CACNB2: variants seen among roughly 807,000 people sequenced by gnomAD.
CACNB2 encodes calcium voltage-gated channel auxiliary subunit beta 2.
CACNB2 carries 42 observed loss-of-function variants against 73.3 expected under a neutral mutation model. The ratio of observed to expected loss-of-function variants is 0.57; its 90% CI spans 0.45 to 0.74. CACNB2 has a LOEUF of 0.74. Among genes scored for constraint, CACNB2 ranks in the 30% least tolerant of loss-of-function variants. The probability of loss-of-function intolerance (pLI) is 0.00; values close to 1 mark genes in which losing one functional copy is unlikely to be tolerated. For synonymous variants in CACNB2, 348 were observed against 310.3 expected, an observed-to-expected ratio of 1.12 and a Z score of -1.28; for missense variants, 940 against 853.0, an observed-to-expected ratio of 1.10 and a Z score of -1.27.
intron 2 of CACNB2, among the ~76,000 whole-genome samples, chr10:18,283,430 C>T (rs563664688): frequency 6.6e-6 from 1 of 152,074 alleles, no homozygotes; most frequent in African/African-American, 2.4e-5. Flanking sequence ...CTTATGTCCA[C>T]CAATGATAGG....
Position 18,294,723 on chromosome 10 carries a change from A to G in CACNB2, c.214-107201A>G, listed in dbSNP as rs550260558. Among the ~76,000 whole-genome samples the G allele has an allele frequency of 8.9e-4, 135 of 152,260 alleles. 1 individual carries two copies. The highest frequency in any genetic ancestry group is 1.2e-3 in the Non-Finnish European group (81 of 68,050). On this transcript the variant is annotated intron_variant, in intron 2 of 13. Coordinates refer to ENST00000324631, the MANE Select transcript of CACNB2 (RefSeq NM_201596.3). Reference sequence around the variant, plus strand: ...AGGAAAAATGCTCAGATGCAAAGGCAGGAGTCTGCCCAGAATGTGAGGAAT... The same window carrying G: ...AGGAAAAATGCTCAGATGCAAAGGCGGGAGTCTGCCCAGAATGTGAGGAAT...
At chr10:18,442,533 A>G (rs918285868) in intron 3 of CACNB2, among the ~76,000 whole-genome samples, 2 of 151,932 alleles carry the variant, frequency 1.3e-5, no homozygotes, top group Non-Finnish European at 2.9e-5. Flanking sequence ...ATGCTTCTCT[A>G]AGAAATAAGT....
At chr10:18,225,631 T>TCC (rs1388951827) in intron 2 of CACNB2, among the ~76,000 whole-genome samples, 16 of 146,008 alleles carry the variant, frequency 1.1e-4, no homozygotes, top group African/African-American at 1.7e-4. Context: ...CTTCCTTCCT[T>TCC]TCTTTCTTTT....
chr10:18,460,080 G>T (rs1421759054), intron 3 of CACNB2, among the ~76,000 whole-genome samples: 1 of 152,190 alleles, frequency 6.6e-6, no homozygotes, highest in Non-Finnish European at 1.5e-5. Context: ...ATTTATGTAT[G>T]TATATGTCCA....
chr10:18,307,983 C>CTTTTT (rs869311555), intron 2 of CACNB2, among the ~76,000 whole-genome samples: 1,233 of 70,202 alleles, frequency 0.018, 247 homozygotes, highest in Non-Finnish European at 0.023. Context: ...TATATGCCAA[C>CTTTTT]TTTTTTTTTT....
intron 9 of CACNB2, among the ~76,000 whole-genome samples, chr10:18,527,209 G>C (rs2052558547): frequency 6.6e-6 from 1 of 151,856 alleles, no homozygotes; most frequent in African/African-American, 2.4e-5. Flanking sequence ...AACCCCCTCT[G>C]TACTGAAAAT....
chr10:18,465,523 C>G (rs1406940381), intron 3 of CACNB2, among the ~76,000 whole-genome samples: 1 of 152,128 alleles, frequency 6.6e-6, no homozygotes, highest in East Asian at 1.9e-4. Context: ...GTTCCACCTT[C>G]TAGTCCCAAG....
chr10:18,183,250 T>C (rs896327793), intron 2 of CACNB2, among the ~76,000 whole-genome samples: 1 of 152,190 alleles, frequency 6.6e-6, no homozygotes, highest in Admixed American at 6.5e-5. Context: ...CTCTAAATTA[T>C]AGCTGAAGCA....
At chr10:18,330,002 G>A (rs986256511) in intron 2 of CACNB2, among the ~76,000 whole-genome samples, 5 of 151,872 alleles carry the variant, frequency 3.3e-5, no homozygotes, top group Non-Finnish European at 5.9e-5. Context: ...CACCCTGCCC[G>A]GCTAATTTTT....
At chr10:18,317,340 A>G (rs764577656) in intron 2 of CACNB2, among the ~76,000 whole-genome samples, 2 of 151,958 alleles carry the variant, frequency 1.3e-5, no homozygotes, top group Admixed American at 6.6e-5. Context: ...TAAAGATCCC[A>G]TTGCCCAAGT....
intron 3 of CACNB2, among the ~76,000 whole-genome samples, chr10:18,421,146 A>G (rs901242752): frequency 2.0e-5 from 3 of 152,142 alleles, no homozygotes; most frequent in Non-Finnish European, 4.4e-5. Flanking sequence ...GGTCCAAGAA[A>G]ATCTATCAAT....
At chr10:18,389,807 C>T (rs996173264) in intron 2 of CACNB2, among the ~76,000 whole-genome samples, 25 of 152,174 alleles carry the variant, frequency 1.6e-4, no homozygotes, top group African/African-American at 5.8e-4. Context: ...TGGGACTTTG[C>T]AAAGAGCATT....
intron 6 of CACNB2, among the ~76,000 whole-genome samples, chr10:18,508,484 C>G (rs2050603813): frequency 6.6e-6 from 1 of 152,132 alleles, no homozygotes; most frequent in Non-Finnish European, 1.5e-5. Context: ...TCAGTGATTT[C>G]TAGGGACTGC....
intron 2 of CACNB2, among the ~76,000 whole-genome samples, chr10:18,218,525 GTGTGTGTGCA>G (rs1403417139): frequency 5.3e-5 from 8 of 152,296 alleles, no homozygotes; most frequent in Middle Eastern, 6.8e-3. Context: ...TCAATTAGCT[GTGTGTGTGCA>G]TGTGTGTGCA....
chr10:18,147,073 G>C (rs1043002647), intron 1 of CACNB2, among the ~76,000 whole-genome samples: 4 of 152,166 alleles, frequency 2.6e-5, no homozygotes, highest in African/African-American at 9.7e-5. Context: ...AAAATCTCCA[G>C]TTAACTGACA....
chr10:18,217,626 TG>T (rs1269907609), intron 2 of CACNB2, among the ~76,000 whole-genome samples: 2 of 151,894 alleles, frequency 1.3e-5, no homozygotes, highest in African/African-American at 4.8e-5. Context: ...GAGGTCAAGA[TG>T]GTCCTCACTG....
At chr10:18,484,901 T>C (rs549040316) in intron 3 of CACNB2, among the ~76,000 whole-genome samples, 2 of 152,326 alleles carry the variant, frequency 1.3e-5, no homozygotes, top group East Asian at 3.9e-4. Context: ...ACGCCTGTAA[T>C]CTGAGCACTT....
At chr10:18,426,783 A>C in intron 3 of CACNB2, among the ~76,000 whole-genome samples, 1 of 152,166 alleles carries the variant, frequency 6.6e-6, no homozygotes, top group East Asian at 1.9e-4. Context: ...TCCTCACCGC[A>C]ACATTAGGTT....
chr10:18,238,377 A>T (rs774135743), intron 2 of CACNB2: 3 of 152,176 alleles, frequency 2.0e-5, no homozygotes, highest in African/African-American at 4.8e-5. Context: ...GATGAAAGCC[A>T]TCGTTTTGAG....
Sources: gnomAD v4.1 joint callset for allele counts (sites outside exome capture counted in the v4.1 genomes callset) on GRCh38, gnomAD v4.1.1 for gene constraint, MANE v1.5 for transcripts, NCBI Gene and HGNC (gene_info 2026-07-23, HGNC 2026-07-21) for gene names.